Variants in TRIM49 observed in about 807,000 individuals in gnomAD.
The protein encoded by TRIM49 is tripartite motif-containing protein 49.
TRIM49 carries 5 observed loss-of-function variants against 27.4 expected under a neutral mutation model. The ratio of observed to expected loss-of-function variants is 0.18; its 90% CI spans 0.10 to 0.38. The LOEUF (loss-of-function observed/expected upper bound fraction) is 0.38, where lower values mean the gene tolerates loss of function less well. Among genes scored for constraint, TRIM49 ranks in the 10% least tolerant of loss-of-function variants. The pLI is 1.00. For missense variants in TRIM49, 188 were observed against 487.5 expected (o/e 0.39, Z 5.79); for synonymous variants, 69 against 166.0 (o/e 0.42, Z 4.49).
chr11:89,802,340 C>G (rs1276841008), intron 4 of TRIM49, among the ~76,000 whole-genome samples: 1 of 150,568 alleles, frequency 6.6e-6, no homozygotes, highest in African/African-American at 2.5e-5. Context: ...TGACCTTAGA[C>G]TAGCATGTCC....
At chr11:89,805,864 C>T (rs1460983153) in intron 2 of TRIM49, among the ~76,000 whole-genome samples, 8 of 149,378 alleles carry the variant, frequency 5.4e-5, no homozygotes, top group East Asian at 2.0e-4. Context: ...ATTACAGGAA[C>T]GTGACACTAG....
the TRIM49 span, chr11:89,768,076 T>A: frequency 1.7e-6 from 1 of 586,720 alleles, no homozygotes; most frequent in Non-Finnish European, 2.9e-6. Flanking sequence ...AAATACCTAT[T>A]CACAGACTAT....
rs572138469 is a variant in TRIM49, at chr11:89,803,926, T to C, written c.411+133A>G. ...CTTCATGTTTGTCAAAGCCCAGAGG[T>C]TGGAAGCTAAGAAAGCCCAAACAGA... On this transcript the variant is annotated intron_variant, in intron 3 of 7. Transcript: ENST00000329758. The C allele has an allele frequency of 6.2e-4, 888 of 1,435,752 alleles. 4 individuals are homozygous for C. Among genetic ancestry groups the C allele is most frequent in the Non-Finnish European group, 8.0e-4 (840 of 1,046,876 alleles). 88.9% of individuals were successfully genotyped at this position (1,435,752 alleles called of 1,614,324 possible). A position where few individuals can be genotyped will look rare whatever the true frequency, so the allele number is the denominator to read the frequency against.
chr11:89,796,436 A>G (rs568322), downstream of TRIM49, among the ~76,000 whole-genome samples: 9 of 136,036 alleles, frequency 6.6e-5, no homozygotes, highest in East Asian at 2.3e-4. Context: ...AGGTCTGACT[A>G]TGTTGCCTCC....
At chr11:89,787,205 C>T in the TRIM49 span, 1 of 228,520 alleles carries the variant, frequency 4.4e-6, no homozygotes, top group South Asian at 5.7e-5. Context: ...CGCGCTGACG[C>T]CGGGCGCCGT....
At chr11:89,772,078 C>T in the TRIM49 span, among the ~76,000 whole-genome samples, 2 of 131,866 alleles carry the variant, frequency 1.5e-5, no homozygotes, top group South Asian at 2.4e-4. Flanking sequence ...CCTCTTTCTC[C>T]TCCTTCTCTG....
the TRIM49 span, among the ~76,000 whole-genome samples, chr11:89,791,327 T>C: frequency 2.0e-5 from 3 of 152,186 alleles, no homozygotes; most frequent in African/African-American, 2.4e-5. Flanking sequence ...CTGCAGGATA[T>C]TATCCAGGAG....
intron 6 of TRIM49, among the ~76,000 whole-genome samples, chr11:89,800,675 G>A (rs1364634676): frequency 6.7e-6 from 1 of 150,244 alleles, no homozygotes; most frequent in Non-Finnish European, 1.5e-5. Context: ...CCCGGGAGGC[G>A]GAGCTTTCAG....
the TRIM49 span, among the ~76,000 whole-genome samples, chr11:89,779,684 T>TTA: frequency 1.9e-5 from 2 of 103,344 alleles, no homozygotes; most frequent in Non-Finnish European, 2.1e-5. Context: ...ATAATTAACA[T>TTA]TATATATATA....
chr11:89,798,755 G>A, intron 7 of TRIM49, 126 bp from the exon 8 acceptor site: 3 of 1,292,330 alleles, frequency 2.3e-6, no homozygotes, highest in Non-Finnish European at 3.0e-6. Flanking sequence ...GTAACTTCTA[G>A]TAAAGTATAG....
rs536193025 is a variant in TRIM49, at chr11:89,805,107, G to C, written c.-4-634C>G. ...AACCAAATAAACAAAGAAAAAGACTGCAATTAAACTAATCAAGTTTCACTA... is the reference window on the plus strand; with the variant it reads ...AACCAAATAAACAAAGAAAAAGACTCCAATTAAACTAATCAAGTTTCACTA... On this transcript the variant is annotated intron_variant, in intron 2 of 7. Coordinates refer to ENST00000329758, the MANE Select transcript of TRIM49 (RefSeq NM_020358.2). Among the ~76,000 whole-genome samples, 139 of 151,854 alleles carry C rather than the reference G, an allele frequency of 9.2e-4. 2 individuals are homozygous for C. Among genetic ancestry groups the C allele is most frequent in the African/African-American group, 3.2e-3 (131 of 41,272 alleles).
downstream of TRIM49, among the ~76,000 whole-genome samples, chr11:89,797,459 A>T (rs1184841994): frequency 6.9e-6 from 1 of 145,450 alleles, no homozygotes; most frequent in Non-Finnish European, 1.5e-5. Context: ...CAGGACTTCA[A>T]TCTATCTGGA....
At chr11:89,771,475 T>G in the TRIM49 span, among the ~76,000 whole-genome samples, 4 of 110,672 alleles carry the variant, frequency 3.6e-5, 2 homozygotes, top group African/African-American at 8.1e-5. Context: ...AGAATCAAAA[T>G]GACTTATCAA....
At chr11:89,797,097 G>A (rs1949696119), downstream of TRIM49, among the ~76,000 whole-genome samples, 1 of 152,002 alleles carries the variant, frequency 6.6e-6, no homozygotes, top group South Asian at 2.1e-4. Flanking sequence ...TGGTACAACT[G>A]GTGGATTAAT....
At chr11:89,773,053 T>C in the TRIM49 span, among the ~76,000 whole-genome samples, 201 of 136,770 alleles carry the variant, frequency 1.5e-3, 30 homozygotes, top group African/African-American at 2.3e-3. Flanking sequence ...TAGCCAGTCA[T>C]GGTGGCAGAC....
At chr11:89,800,235 C>T (rs1565445795) in intron 6 of TRIM49, among the ~76,000 whole-genome samples, 1 of 151,632 alleles carries the variant, frequency 6.6e-6, no homozygotes, top group East Asian at 1.9e-4. Context: ...CAAAGAACTT[C>T]CCTAGAGACT....
At chr11:89,806,020 C>T (rs149135572) in intron 2 of TRIM49, among the ~76,000 whole-genome samples, 21 of 150,484 alleles carry the variant, frequency 1.4e-4, no homozygotes, top group Admixed American at 2.6e-4. Context: ...GTGCCCAGCC[C>T]GGCGGTTTCA....
Position 89,798,302 on chromosome 11 carries a change from G to A in TRIM49, c.1187C>T (p.Pro396Leu). The change falls in exon 8 of 8, where the codon CCA becomes CTA. Residue 396 changes from proline (P) to leucine (L), a missense_variant. This residue lies in a region of TRIM49 where 94 missense variants were observed against 149.6 expected (regional missense o/e 0.63). Coordinates refer to ENST00000329758, the MANE Select transcript of TRIM49 (RefSeq NM_020358.2). ...DIQCSLFTTS[P>L]LMLQYIPKPT... is the part of the protein sequence containing the mutation. ...TTTTGGGATATATTGCAGCATAAGT[G>A]GGGAGGTGGTAAAGAGACTGCATTG... 6.3e-7 allele frequency: 1 copy of A among 1,575,144 alleles called. No individual in the cohort carries two copies. Among genetic ancestry groups the A allele is most frequent in the Non-Finnish European group, 8.6e-7 (1 of 1,165,492 alleles).
downstream of TRIM49, among the ~76,000 whole-genome samples, chr11:89,793,279 T>A (rs1591510147): frequency 6.6e-6 from 1 of 152,028 alleles, no homozygotes; most frequent in Admixed American, 6.5e-5. Flanking sequence ...TCCGGATGGA[T>A]TCACAGCTGA....
Sources: allele counts gnomAD v4.1 joint callset (sites outside exome capture counted in the v4.1 genomes callset), GRCh38; gene constraint gnomAD v4.1.1; regional missense constraint gnomAD v4.1.1; transcripts MANE v1.5; gene names NCBI Gene and HGNC (gene_info 2026-07-23, HGNC 2026-07-21).